Variants in GLIS3 observed in about 807,000 individuals in gnomAD.
GLIS3 encodes the protein GLIS family zinc finger 3, also known as zinc finger protein GLIS3.
Under a neutral mutation model 78.6 loss-of-function variants are expected in GLIS3, and 53 were observed. The ratio of observed to expected loss-of-function variants is 0.67; its 90% confidence interval spans 0.54 to 0.85. GLIS3 has a LOEUF of 0.85. Ranked by LOEUF, GLIS3 falls within the 40% of genes least tolerant of loss-of-function variation. The pLI, the probability that GLIS3 is intolerant of heterozygous loss-of-function variation, is 0.00. For synonymous variants in GLIS3, 684 were observed against 509.9 expected (o/e 1.34, Z -4.60); for missense variants, 1,703 against 1,231.1 (o/e 1.38, Z -5.74).
chr9:4,471,645 T>C, the GLIS3 span, among the ~76,000 whole-genome samples: 6 of 152,084 alleles, frequency 3.9e-5, no homozygotes, highest in African/African-American at 1.4e-4. Context: ...TCTAAAACCA[T>C]AAAAACCCTA....
chr9:4,100,027 T>C (rs1000812517), intron 4 of GLIS3, among the ~76,000 whole-genome samples: 2 of 152,222 alleles, frequency 1.3e-5, no homozygotes, highest in African/African-American at 4.8e-5. Flanking sequence ...CTGCCTCCCA[T>C]ACTGGATTTT....
chr9:3,988,666 T>TCC, intron 4 of GLIS3, among the ~76,000 whole-genome samples: 1 of 152,186 alleles, frequency 6.6e-6, no homozygotes, highest in East Asian at 1.9e-4. Flanking sequence ...AGAATAGTCT[T>TCC]TACAACAATT....
chr9:4,323,025 T>C (rs1817557013), intron 2 of GLIS3, among the ~76,000 whole-genome samples: 1 of 152,220 alleles, frequency 6.6e-6, no homozygotes, highest in Admixed American at 6.5e-5. Context: ...GGTTTTCTTC[T>C]CTAAAGTCTT....
chr9:4,399,990 C>T, the GLIS3 span, among the ~76,000 whole-genome samples: 3 of 151,784 alleles, frequency 2.0e-5, no homozygotes, highest in Non-Finnish European at 4.4e-5. Flanking sequence ...AGTGGGATGG[C>T]GAGTGAGGAG....
At chr9:3,860,289 A>C (rs1041469138) in intron 8 of GLIS3, among the ~76,000 whole-genome samples, 7 of 146,684 alleles carry the variant, frequency 4.8e-5, no homozygotes, top group Middle Eastern at 3.5e-3. Context: ...AAAAAAAAAA[A>C]AAAAAAAAAA....
chr9:4,438,135 A>G, the GLIS3 span, among the ~76,000 whole-genome samples: 1 of 152,204 alleles, frequency 6.6e-6, no homozygotes, highest in Non-Finnish European at 1.5e-5. Flanking sequence ...TGCTCTGAAC[A>G]CTTATGCTAA....
intron 2 of GLIS3, among the ~76,000 whole-genome samples, chr9:4,335,505 T>C (rs1817743375): frequency 1.3e-5 from 2 of 152,196 alleles, no homozygotes; most frequent in Non-Finnish European, 2.9e-5. Flanking sequence ...CTCCACGTGC[T>C]TTCCTGTGCA....
intron 2 of GLIS3, among the ~76,000 whole-genome samples, chr9:4,187,305 T>C (rs967960029): frequency 4.6e-5 from 7 of 152,344 alleles, no homozygotes; most frequent in East Asian, 3.9e-4. Context: ...CAGATACTTG[T>C]AGATATGCTG....
chr9:3,856,774 C>T (rs990426475), intron 8 of GLIS3, among the ~76,000 whole-genome samples: 19 of 152,130 alleles, frequency 1.2e-4, no homozygotes, highest in Non-Finnish European at 2.2e-4. Flanking sequence ...ACGAAATCTG[C>T]GTGGGCTCCG....
chr9:4,304,421 C>T (rs995044955), upstream of GLIS3, among the ~76,000 whole-genome samples: 4 of 152,158 alleles, frequency 2.6e-5, no homozygotes, highest in Non-Finnish European at 4.4e-5. Flanking sequence ...AATTCAAAGA[C>T]TTTATGCAAT....
intron 6 of GLIS3, among the ~76,000 whole-genome samples, chr9:3,904,891 A>G (rs1823553337): frequency 6.6e-6 from 1 of 152,140 alleles, no homozygotes; most frequent in Admixed American, 6.5e-5. Flanking sequence ...ACTGGCTCAT[A>G]AAACAGCCCA....
intron 6 of GLIS3, among the ~76,000 whole-genome samples, chr9:3,924,927 C>T (rs1026673060): frequency 5.3e-5 from 8 of 152,122 alleles, no homozygotes; most frequent in Non-Finnish European, 7.4e-5. Context: ...ATCAGAAAAA[C>T]AATTATCTAG....
intron 4 of GLIS3, among the ~76,000 whole-genome samples, chr9:4,114,743 GA>G (rs1281741240): frequency 2.6e-5 from 4 of 152,054 alleles, no homozygotes; most frequent in Admixed American, 1.3e-4. Flanking sequence ...CACTGGGTGG[GA>G]ATGTCTCTGC....
chr9:4,199,766 A>G (rs1420399912), intron 2 of GLIS3, among the ~76,000 whole-genome samples: 4 of 152,158 alleles, frequency 2.6e-5, no homozygotes, highest in African/African-American at 7.2e-5. Flanking sequence ...CAAAAAACAA[A>G]CAAACAAAAT....
chr9:4,446,326 C>A, the GLIS3 span, among the ~76,000 whole-genome samples: 1 of 152,038 alleles, frequency 6.6e-6, no homozygotes, highest in Non-Finnish European at 1.5e-5. Context: ...GCCAGAGGCA[C>A]CATCGATGAA....
At chr9:4,085,261 G>T (rs1035670808) in intron 4 of GLIS3, among the ~76,000 whole-genome samples, 33 of 121,378 alleles carry the variant, frequency 2.7e-4, no homozygotes, top group African/African-American at 9.3e-4. Context: ...ATCACTGATG[G>T]CTTTTTTTTT....
the GLIS3 span, among the ~76,000 whole-genome samples, chr9:4,416,252 T>TTTTAAAAAAA: frequency 7.9e-5 from 6 of 75,804 alleles, 1 homozygote; most frequent in African/African-American, 2.1e-4. Flanking sequence ...ACACTGTTTT[T>TTTTAAAAAAA]AAAAAAAAAA....
the GLIS3 span, among the ~76,000 whole-genome samples, chr9:4,486,958 A>G: frequency 6.6e-6 from 1 of 152,276 alleles, no homozygotes; most frequent in Middle Eastern, 3.4e-3. Flanking sequence ...TCAGCCTCCC[A>G]AAGTGCTGGG....
chr9:4,442,254 G>A, the GLIS3 span, among the ~76,000 whole-genome samples: 5 of 152,134 alleles, frequency 3.3e-5, no homozygotes, highest in African/African-American at 1.2e-4. Context: ...GTTCATAATT[G>A]TCTGTTATGA....
Sources: gnomAD v4.1 joint callset for allele counts (sites outside exome capture counted in the v4.1 genomes callset) on GRCh38, gnomAD v4.1.1 for gene constraint, MANE v1.5 for transcripts, NCBI Gene and HGNC (gene_info 2026-07-23, HGNC 2026-07-21) for gene names.